PCDH11X: variants seen among roughly 807,000 people sequenced by gnomAD.
PCDH11X encodes the protein protocadherin-11 X-linked.
A neutral mutation model predicts 53.3 loss-of-function variants in PCDH11X; 18 were observed. The ratio of observed to expected loss-of-function variants is 0.34; its 90% CI spans 0.23 to 0.50. PCDH11X has a LOEUF of 0.50. Among genes scored for constraint, PCDH11X ranks in the 20% least tolerant of loss-of-function variants. The pLI, the probability that PCDH11X is intolerant of heterozygous loss-of-function variation, is 0.98. For missense variants in PCDH11X, 570 were observed against 1,032.4 expected, an observed-to-expected ratio of 0.55 and a Z score of 6.14; for synonymous variants, 279 against 393.3, an observed-to-expected ratio of 0.71 and a Z score of 3.44.
intron 6 of PCDH11X, among the ~76,000 whole-genome samples, chrX:91,985,769 C>A (rs1397995886): frequency 3.6e-5 from 4 of 111,842 alleles, no homozygotes; most frequent in African/African-American, 1.3e-4. Flanking sequence ...AAAGGGTATG[C>A]TTTATAAAAC....
At chrX:92,313,624 C>T (rs774393340) in intron 8 of PCDH11X, among the ~76,000 whole-genome samples, 18 of 108,768 alleles carry the variant, frequency 1.7e-4, no homozygotes, top group African/African-American at 4.7e-4. Context: ...TTCTGAGCAA[C>T]GCATTGTTAG....
At chrX:92,174,240 C>T (rs1400009976) in intron 6 of PCDH11X, among the ~76,000 whole-genome samples, 1 of 108,816 alleles carries the variant, frequency 9.2e-6, no homozygotes, top group Non-Finnish European at 1.9e-5. Context: ...AAAAAAAAAC[C>T]TCATAAAACC....
chrX:92,509,417 A>G (rs1440969451), intron 10 of PCDH11X, among the ~76,000 whole-genome samples: 1 of 109,430 alleles, frequency 9.1e-6, no homozygotes, highest in Non-Finnish European at 1.9e-5. Flanking sequence ...CTGATTATTT[A>G]AGGATAAAAA....
chrX:92,617,558 C>T (rs1230561534), intron 10 of PCDH11X, among the ~76,000 whole-genome samples: 3 of 109,739 alleles, frequency 2.7e-5, no homozygotes, highest in Non-Finnish European at 5.7e-5. Context: ...CTCTATTTCA[C>T]TAAAATTTGT....
intron 9 of PCDH11X, among the ~76,000 whole-genome samples, chrX:92,418,964 A>G (rs1412241178): frequency 9.7e-6 from 1 of 103,470 alleles, no homozygotes; most frequent in Non-Finnish European, 2.0e-5. Context: ...TTCAACTGTG[A>G]TTTCCTTTTG....
intron 6 of PCDH11X, among the ~76,000 whole-genome samples, chrX:92,145,220 C>T (rs1256693455): frequency 4.5e-5 from 5 of 111,536 alleles, no homozygotes; most frequent in African/African-American, 6.5e-5. Context: ...CAGAAAAATG[C>T]GAGGACAGTC....
intron 6 of PCDH11X, among the ~76,000 whole-genome samples, chrX:91,898,843 T>C (rs1480945948): frequency 9.1e-6 from 1 of 110,227 alleles, no homozygotes; most frequent in Non-Finnish European, 1.9e-5. Context: ...ATTGTTGAGG[T>C]TTAGCTTTCC....
intron 7 of PCDH11X, among the ~76,000 whole-genome samples, chrX:92,252,881 C>T (rs746690072): frequency 1.8e-5 from 2 of 110,628 alleles, no homozygotes; most frequent in African/African-American, 6.6e-5. Flanking sequence ...ACTTCCCATT[C>T]CCGTCTAACT....
chrX:91,952,742 T>C (rs1569273649), intron 6 of PCDH11X, among the ~76,000 whole-genome samples: 2 of 111,851 alleles, frequency 1.8e-5, no homozygotes, highest in Non-Finnish European at 3.8e-5. Context: ...TGTACTCCTA[T>C]GTTTGTTGCA....
chrX:92,223,715 T>A (rs1482006583), intron 7 of PCDH11X, among the ~76,000 whole-genome samples: 1 of 112,150 alleles, frequency 8.9e-6, no homozygotes, highest in East Asian at 2.8e-4. Context: ...TTCCACCATT[T>A]GTCATGACAA....
intron 8 of PCDH11X, among the ~76,000 whole-genome samples, chrX:92,357,770 T>A (rs1400025986): frequency 8.9e-6 from 1 of 112,092 alleles, no homozygotes; most frequent in Non-Finnish European, 1.9e-5. Flanking sequence ...ATTACTTGTA[T>A]CGATCTCATT....
intron 9 of PCDH11X, among the ~76,000 whole-genome samples, chrX:92,411,141 T>TA (rs1354016944): frequency 9.2e-6 from 1 of 108,835 alleles, no homozygotes; most frequent in African/African-American, 3.4e-5. Context: ...AGAAATTTTT[T>TA]AAAATCCAAA....
intron 5 of PCDH11X, among the ~76,000 whole-genome samples, chrX:91,865,024 A>G (rs1483572425): frequency 9.0e-6 from 1 of 110,766 alleles, no homozygotes; most frequent in Admixed American, 9.7e-5. Context: ...TGGGTGACTT[A>G]TTTAGTTCAT....
intron 6 of PCDH11X, among the ~76,000 whole-genome samples, chrX:92,144,141 T>C (rs1264727316): frequency 1.8e-5 from 2 of 110,982 alleles, no homozygotes; most frequent in Non-Finnish European, 3.8e-5. Flanking sequence ...TTTGATTATA[T>C]AGGCTCATAG....
intron 6 of PCDH11X, among the ~76,000 whole-genome samples, chrX:92,048,278 A>G (rs887940863): frequency 5.5e-5 from 6 of 108,248 alleles, no homozygotes; most frequent in Non-Finnish European, 9.6e-5. Context: ...CTCTTCCTCA[A>G]CATTTATCTT....
intron 6 of PCDH11X, among the ~76,000 whole-genome samples, chrX:92,008,461 G>A (rs2147975099): frequency 9.0e-6 from 1 of 110,853 alleles, no homozygotes; most frequent in East Asian, 2.8e-4. Flanking sequence ...CACGATTGCT[G>A]TGTTTTCTCT....
At chrX:92,402,840 A>G (rs940420008) in intron 9 of PCDH11X, among the ~76,000 whole-genome samples, 3 of 111,781 alleles carry the variant, frequency 2.7e-5, no homozygotes, top group Non-Finnish European at 3.8e-5. Flanking sequence ...CAGACAACTT[A>G]AACAGCATCT....
intron 6 of PCDH11X, among the ~76,000 whole-genome samples, chrX:91,887,020 T>C (rs1215385617): frequency 9.5e-6 from 1 of 105,767 alleles, no homozygotes; most frequent in African/African-American, 3.5e-5. Flanking sequence ...ATATATACTT[T>C]AGAATAATTT....
chrX:92,025,924 A>C (rs1318271963), intron 6 of PCDH11X, among the ~76,000 whole-genome samples: 25 of 109,850 alleles, frequency 2.3e-4, no homozygotes, highest in Admixed American at 2.2e-3. Context: ...GGGGGCCATT[A>C]CTTTAGCAAA....
Sources: allele counts gnomAD v4.1 joint callset (sites outside exome capture counted in the v4.1 genomes callset), GRCh38; gene constraint gnomAD v4.1.1; transcripts MANE v1.5; gene names NCBI Gene and HGNC (gene_info 2026-07-23, HGNC 2026-07-21).